Variants in BCAR1 observed in about 807,000 individuals in gnomAD.
BCAR1 encodes the protein breast cancer anti-estrogen resistance protein 1.
Under a neutral mutation model 67.6 loss-of-function variants are expected in BCAR1, and 30 were observed. The observed-to-expected ratio is 0.44, with a 90% CI of 0.33 to 0.60. The LOEUF (loss-of-function observed/expected upper bound fraction) is 0.60, where lower values mean the gene tolerates loss of function less well. Among genes scored for constraint, BCAR1 ranks in the 20% least tolerant of loss-of-function variants. BCAR1 has a pLI of 0.02. For synonymous variants in BCAR1, 626 were observed against 556.7 expected, an observed-to-expected ratio of 1.12 and a Z score of -1.75; for missense variants, 1,313 against 1,222.3, an observed-to-expected ratio of 1.07 and a Z score of -1.11.
chr16:75,264,066 C>T (rs2077957140), intron 1 of BCAR1: 3 of 1,241,060 alleles, frequency 2.4e-6, no homozygotes, highest in Non-Finnish European at 3.0e-6. Flanking sequence ...ACTCAGAGCC[C>T]GTGATGGTGT....
chr16:75,244,748 C>T (rs921401606), intron 1 of BCAR1, among the ~76,000 whole-genome samples: 2 of 152,306 alleles, frequency 1.3e-5, no homozygotes, highest in Middle Eastern at 3.4e-3. Context: ...AGGGCAGGCC[C>T]AGGTGGAGTC....
intron 1 of BCAR1, chr16:75,263,717 GAA>G (rs2077951652): frequency 2.0e-6 from 2 of 985,566 alleles, no homozygotes; most frequent in African/African-American, 3.5e-5. Context: ...GCCCATCTAG[GAA>G]AAGACTGCCC....
At chr16:75,238,285 C>G in intron 2 of BCAR1, 2 of 1,157,698 alleles carry the variant, frequency 1.7e-6, no homozygotes, top group South Asian at 3.3e-5. Context: ...ATTCTCCAGC[C>G]CCCGGGCACA....
rs988218500 is a variant in BCAR1 at position 75,258,169 on chromosome 16, A to G, written c.66+9746T>C. ...GGCGCACCTTCCCTTGGCCTACCCC[A>G]TGTGCTAAGCCCATCCCGCAACCAA... On this transcript the variant is annotated intron_variant, in intron 1 of 6. Coordinates refer to the BCAR1 transcript ENST00000393422. Among the ~76,000 whole-genome samples the G allele has an allele frequency of 1.4e-4, 22 of 152,150 alleles. 1 individual carries two copies. The highest frequency in any genetic ancestry group is 1.4e-3 in the Admixed American group (22 of 15,268).
At chr16:75,258,436 A>G (rs543894267) in intron 1 of BCAR1, among the ~76,000 whole-genome samples, 227 of 152,316 alleles carry the variant, frequency 1.5e-3, no homozygotes, top group African/African-American at 4.6e-3. Flanking sequence ...AGCAACACTC[A>G]TGCATCTGCG....
intron 1 of BCAR1, among the ~76,000 whole-genome samples, chr16:75,260,793 G>C (rs1471495156): frequency 6.6e-6 from 1 of 152,124 alleles, no homozygotes; most frequent in Non-Finnish European, 1.5e-5. Context: ...GATACTGCAA[G>C]CCTAAACCCA....
chr16:75,261,963 C>A (rs2077915389), intron 1 of BCAR1, among the ~76,000 whole-genome samples: 1 of 152,204 alleles, frequency 6.6e-6, no homozygotes, highest in Non-Finnish European at 1.5e-5. Context: ...GCTCTGGTCA[C>A]CCCTCACCAA....
intron 6 of BCAR1, among the ~76,000 whole-genome samples, chr16:75,230,363 C>G (rs2076861157): frequency 6.6e-6 from 1 of 152,134 alleles, no homozygotes; most frequent in African/African-American, 2.4e-5. Context: ...TGAGACGTGG[C>G]ACTGGGGAAA....
At chr16:75,232,070 G>A (rs2076917948) in intron 6 of BCAR1, among the ~76,000 whole-genome samples, 1 of 152,028 alleles carries the variant, frequency 6.6e-6, no homozygotes, top group South Asian at 2.1e-4. Flanking sequence ...TTTTAGTAGA[G>A]ATGGGGTTTC....
At chr16:75,246,730 G>C (rs961022587) in intron 1 of BCAR1, 1 of 152,466 alleles carries the variant, frequency 6.6e-6, no homozygotes, top group East Asian at 1.9e-4. Flanking sequence ...TCCTGCTCTG[G>C]ACATGCTCGC....
intron 6 of BCAR1, among the ~76,000 whole-genome samples, chr16:75,232,611 T>G (rs1425495646): frequency 6.6e-6 from 1 of 152,218 alleles, no homozygotes; most frequent in Non-Finnish European, 1.5e-5. Flanking sequence ...TTTTCTTTAG[T>G]AGATTTAACA....
intron 1 of BCAR1, chr16:75,263,405 A>G: frequency 1.0e-6 from 1 of 985,398 alleles, no homozygotes; most frequent in Non-Finnish European, 1.2e-6. Context: ...AGAGGAAGGC[A>G]TGGGAATACC....
rs372196436 is a variant in BCAR1, at chr16:75,248,111, A to T, written c.12+3360T>A. The T allele has an allele frequency of 1.0e-5, 16 of 1,598,156 alleles. No homozygotes were observed. The Middle Eastern group carries it at 5.0e-4, about 49-fold the overall frequency. ...AGAAGCTCCCTGACAGCCCAGGGTC[A>T]CTGAGTCCAGAAGCAGCAGAGGCCG... On this transcript the variant is annotated intron_variant, in intron 1 of 6. Transcript: ENST00000162330.
At chr16:75,248,116 G>C (rs1364370757) in intron 1 of BCAR1, 2 of 1,597,892 alleles carry the variant, frequency 1.3e-6, no homozygotes, top group African/African-American at 2.7e-5. Flanking sequence ...GGGTCACTGA[G>C]TCCAGAAGCA....
intron 1 of BCAR1, among the ~76,000 whole-genome samples, chr16:75,259,457 A>T (rs893268531): frequency 6.6e-6 from 1 of 151,916 alleles, no homozygotes; most frequent in Non-Finnish European, 1.5e-5. Context: ...CAAGACTCAG[A>T]CTCAGACACA....
At chr16:75,267,677 T>C (rs1415803924) in intron 1 of BCAR1, among the ~76,000 whole-genome samples, 1 of 151,678 alleles carries the variant, frequency 6.6e-6, no homozygotes, top group Non-Finnish European at 1.5e-5. Flanking sequence ...TCCTGTCTCC[T>C]TTCCCATCTC....
At chr16:75,231,408 C>A (rs117227461) in intron 6 of BCAR1, among the ~76,000 whole-genome samples, 4,530 of 152,268 alleles carry the variant, frequency 0.03, 97 homozygotes, top group Middle Eastern at 0.099. Context: ...GACAACTCTT[C>A]ATAGTTATAT....
At chr16:75,239,447 G>T (rs144933945) in intron 2 of BCAR1, among the ~76,000 whole-genome samples, 1 of 151,382 alleles carries the variant, frequency 6.6e-6, no homozygotes, top group East Asian at 1.9e-4. Context: ...GGCATCAAGC[G>T]GGGGGACAAG....
In BCAR1 at chr16:75,234,861, GAGCCGGGGCTGGGC is replaced by G; in HGVS notation, c.2010+14_2010+27del. 4.6e-6 allele frequency: 7 copies of G among 1,517,332 alleles called. No homozygotes were observed. The highest frequency in any genetic ancestry group is 6.2e-6 in the Non-Finnish European group (7 of 1,132,484). 94.0% of individuals were successfully genotyped at this position (1,517,332 alleles called of 1,614,324 possible). ...ACAGGAGCCCAGCGTGGCAGAAGAG[GAGCCGGGGCTGGGC>G]AGGCGGCACCCACCTGTAGGTGGAC... On this transcript the variant is annotated intron_variant, in intron 5 of 6. Transcript: ENST00000162330.
Sources: gnomAD v4.1 joint callset for allele counts (sites outside exome capture counted in the v4.1 genomes callset) on GRCh38, gnomAD v4.1.1 for gene constraint, MANE v1.5 for transcripts, NCBI Gene and HGNC (gene_info 2026-07-23, HGNC 2026-07-21) for gene names.